The following CSMD1 variants were observed in gnomAD, a reference collection of about 807,000 sequenced individuals.
The protein encoded by CSMD1 is CUB and Sushi multiple domains 1, also known as CUB and sushi domain-containing protein 1.
A neutral mutation model predicts 417.5 loss-of-function variants in CSMD1; 213 were observed. The observed-to-expected ratio is 0.51, with a 90% CI of 0.46 to 0.57. CSMD1 has a LOEUF of 0.57. Ranked by LOEUF, CSMD1 falls within the 20% of genes least tolerant of loss-of-function variation. CSMD1 has a pLI of 0.00. For missense variants in CSMD1, 6,923 were observed against 4,529.7 expected (o/e 1.53, Z -15.17); for synonymous variants, 2,862 against 1,736.8 (o/e 1.65, Z -16.11).
chr8:3,331,779 T>C (rs1431726278), intron 23 of CSMD1, among the ~76,000 whole-genome samples: 1 of 152,220 alleles, frequency 6.6e-6, no homozygotes, highest in African/African-American at 2.4e-5. Flanking sequence ...TCTTTAAAGT[T>C]ACCGTGTGAA....
chr8:3,712,157 G>C (rs1420798684), intron 6 of CSMD1, among the ~76,000 whole-genome samples: 1 of 85,400 alleles, frequency 1.2e-5, no homozygotes, highest in African/African-American at 4.0e-5. Context: ...TTTGTTTCAA[G>C]TTACTACGTT....
chr8:4,349,067 A>G lies in CSMD1; in HGVS notation c.415+70886T>C, dbSNP rs371953269. 1.1e-3 allele frequency among the ~76,000 whole-genome samples: 175 copies of G among 152,368 alleles called. 4 individuals carry two copies. The South Asian group carries it at 0.027, about 23-fold the overall frequency. ...GCTAATTTAGTTAGAAATTATTAAC[A>G]TGACTCATGAAATGCTCAAATTACA... On this transcript the variant is annotated intron_variant, in intron 3 of 69. Coordinates refer to ENST00000635120, the MANE Select transcript of CSMD1 (RefSeq NM_033225.6).
intron 1 of CSMD1, among the ~76,000 whole-genome samples, chr8:4,796,967 CA>C (rs1431880239): frequency 6.6e-6 from 1 of 152,190 alleles, no homozygotes; most frequent in African/African-American, 2.4e-5. Flanking sequence ...ATTGCCTGGT[CA>C]TCAGGCCTTT....
intron 10 of CSMD1, among the ~76,000 whole-genome samples, chr8:3,548,824 C>G (rs1021473769): frequency 6.6e-6 from 1 of 152,068 alleles, no homozygotes; most frequent in Non-Finnish European, 1.5e-5. Context: ...CAGAGCAAAG[C>G]CACCCTTGCT....
At position 4,188,479 on chromosome 8, in the gene CSMD1, C is replaced by G. The variant is rs193187696; in HGVS notation, c.416-156380G>C. Among the ~76,000 whole-genome samples, 3 of 152,264 alleles carry G rather than the reference C, an allele frequency of 2.0e-5. No individual in the cohort carries two copies. The East Asian group carries it at 5.8e-4, about 29-fold the overall frequency. On this transcript the variant is annotated intron_variant, in intron 3 of 69. Transcript: ENST00000635120. ...AACTTTATTTTGGAAAAGGGTCCAT[C>G]AACCATGGTTAAACCTGGTCACAAA...
At chr8:3,722,708 T>C (rs986324146) in intron 6 of CSMD1, among the ~76,000 whole-genome samples, 1 of 152,220 alleles carries the variant, frequency 6.6e-6, no homozygotes, top group South Asian at 2.1e-4. Flanking sequence ...TTCTGGATTC[T>C]AGATTACAAG....
chr8:4,244,642 C>G (rs866908025), intron 3 of CSMD1, among the ~76,000 whole-genome samples: 3 of 151,944 alleles, frequency 2.0e-5, no homozygotes, highest in Non-Finnish European at 2.9e-5. Flanking sequence ...TTCTTCAAAA[C>G]TGATCCAAGT....
chr8:3,826,636 A>T (rs12681038), intron 5 of CSMD1, among the ~76,000 whole-genome samples: 49,167 of 151,926 alleles, frequency 0.32, 8,585 homozygotes, highest in East Asian at 0.58. Flanking sequence ...TTACATCTGG[A>T]TTCTCTGTTT....
intron 3 of CSMD1, among the ~76,000 whole-genome samples, chr8:4,223,093 C>A (rs374093423): frequency 6.6e-6 from 1 of 152,106 alleles, no homozygotes; most frequent in Admixed American, 6.5e-5. Flanking sequence ...TCCCTCCCGC[C>A]CTGCCCTGAG....
chr8:3,052,725 T>C (rs1465449313), intron 49 of CSMD1, 78 bp from the exon 50 acceptor site: 1 of 1,008,538 alleles, frequency 9.9e-7, no homozygotes, highest in African/African-American at 1.7e-5. Context: ...GATTGATTAA[T>C]CATTATTATT....
chr8:2,981,251 G>C (rs1362175658), intron 54 of CSMD1, among the ~76,000 whole-genome samples: 1 of 152,202 alleles, frequency 6.6e-6, no homozygotes, highest in East Asian at 1.9e-4. Context: ...ATCCACACAA[G>C]CACCTTTCCC....
At chr8:3,374,486 G>A (rs899368522) in intron 18 of CSMD1, among the ~76,000 whole-genome samples, 1 of 152,102 alleles carries the variant, frequency 6.6e-6, no homozygotes, top group Non-Finnish European at 1.5e-5. Context: ...CAGATAACGA[G>A]GTCTGATTTA....
intron 3 of CSMD1, among the ~76,000 whole-genome samples, chr8:4,256,679 A>G (rs1213821632): frequency 6.6e-6 from 1 of 151,992 alleles, no homozygotes; most frequent in African/African-American, 2.4e-5. Flanking sequence ...CTGCAGGAAG[A>G]ATCCCAGCAG....
intron 5 of CSMD1, among the ~76,000 whole-genome samples, chr8:3,995,244 A>G (rs1300475162): frequency 6.6e-6 from 1 of 152,206 alleles, no homozygotes; most frequent in African/African-American, 2.4e-5. Flanking sequence ...GTTATTTAGG[A>G]GAACCATCTT....
At chr8:4,417,976 C>T (rs1008396393) in intron 3 of CSMD1, among the ~76,000 whole-genome samples, 1 of 152,142 alleles carries the variant, frequency 6.6e-6, no homozygotes, top group East Asian at 1.9e-4. Context: ...TTACCTTACT[C>T]TTCCACTTAA....
intron 5 of CSMD1, among the ~76,000 whole-genome samples, chr8:3,802,097 TTAA>T (rs1265707814): frequency 6.6e-6 from 1 of 152,180 alleles, no homozygotes; most frequent in Non-Finnish European, 1.5e-5. Flanking sequence ...AAATTTTATC[TTAA>T]TAACATTGTT....
At chr8:4,673,199 G>A (rs1313636506) in intron 1 of CSMD1, among the ~76,000 whole-genome samples, 1 of 152,086 alleles carries the variant, frequency 6.6e-6, no homozygotes, top group Non-Finnish European at 1.5e-5. Flanking sequence ...CATTTATCAG[G>A]TACAATGTTA....
intron 11 of CSMD1, among the ~76,000 whole-genome samples, chr8:3,477,914 G>A (rs544929450): frequency 6.6e-6 from 1 of 152,166 alleles, no homozygotes; most frequent in Non-Finnish European, 1.5e-5. Flanking sequence ...AAAAGAGCAG[G>A]AATCTGATTT....
chr8:4,101,701 T>G (rs539306817), intron 3 of CSMD1, among the ~76,000 whole-genome samples: 125 of 152,262 alleles, frequency 8.2e-4, no homozygotes, highest in African/African-American at 2.9e-3. Flanking sequence ...AATGATTGAG[T>G]AATCAAACCA....
Sources: gnomAD v4.1 joint callset for allele counts (sites outside exome capture counted in the v4.1 genomes callset) on GRCh38, gnomAD v4.1.1 for gene constraint, MANE v1.5 for transcripts, NCBI Gene and HGNC (gene_info 2026-07-23, HGNC 2026-07-21) for gene names.